The following BRWD1 variants were observed in gnomAD, a reference collection of about 807,000 sequenced individuals.
BRWD1 encodes bromodomain and WD repeat domain containing 1, also known as bromodomain and WD repeat-containing protein 1.
A neutral mutation model predicts 251.2 loss-of-function variants in BRWD1; 82 were observed. That is an observed-to-expected ratio of 0.33 (90% CI 0.27 to 0.39). The LOEUF (loss-of-function observed/expected upper bound fraction) is 0.39, where lower values mean the gene tolerates loss of function less well. Ranked by LOEUF, BRWD1 falls within the 10% of genes least tolerant of loss-of-function variation. The pLI, the probability that BRWD1 is intolerant of heterozygous loss-of-function variation, is 1.00. For missense variants in BRWD1, 2,233 were observed against 2,711.6 expected (o/e 0.82, Z 3.92); for synonymous variants, 918 against 902.8 (o/e 1.02, Z -0.30).
rs2035449568 is a variant in BRWD1, at chr21:39,281,297, G to A, written c.832-1049C>T. ...GAGGCAAGATGTAATAAAAAGCCAA[G>A]AGGGAACCCAGTTAATCTAAGAAGC... On this transcript the variant is annotated intron_variant, in intron 8 of 40. Coordinates refer to ENST00000342449, the MANE Select transcript of BRWD1 (RefSeq NM_033656.4). Among the ~76,000 whole-genome samples the A allele has an allele frequency of 2.0e-5, 3 of 152,154 alleles. No homozygotes were observed. In the South Asian group the frequency reaches 6.2e-4, roughly 31 times the overall value.
In BRWD1 at chr21:39,312,944, CG is replaced by C. The variant is rs754220705; in HGVS notation, c.139-45del. On this transcript the variant is annotated intron_variant, in intron 3 of 40. Transcript: ENST00000342449. The stretch of plus-strand genomic sequence containing the variant: ...CACACGAGTGACCACCCCTCCGGCG[CG>C]GGGGGGGCGGGGGGCGGGGGGCCGG... 9.2e-5 allele frequency: 57 copies of C among 622,748 alleles called. 5 individuals are homozygous for C. The Admixed American group carries it at 2.8e-3, about 30-fold the overall frequency. The allele number at this position is 622,748 out of a possible 1,614,324, so 38.6% of individuals were successfully genotyped here.
intron 10 of BRWD1, 69 bp from the exon 11 acceptor site, chr21:39,277,420 A>G: frequency 3.1e-6 from 3 of 966,294 alleles, no homozygotes; most frequent in Non-Finnish European, 4.3e-6. Context: ...AAATTTCCAT[A>G]TTAAAATATA....
At chr21:39,251,218 AAAT>A (rs1292234949) in intron 19 of BRWD1, among the ~76,000 whole-genome samples, 1 of 152,194 alleles carries the variant, frequency 6.6e-6, no homozygotes, top group African/African-American at 2.4e-5. Context: ...TCTAAAGAAA[AAAT>A]AAGCAGAGTC....
At chr21:39,213,247 T>C (rs926386779) in intron 33 of BRWD1, among the ~76,000 whole-genome samples, 2 of 152,200 alleles carry the variant, frequency 1.3e-5, no homozygotes, top group Admixed American at 6.5e-5. Context: ...AGCTAAAATA[T>C]AGAAAGAGAA....
upstream of BRWD1, chr21:39,314,933 TA>T (rs2036668663): frequency 1.3e-5 from 2 of 153,072 alleles, no homozygotes; most frequent in Admixed American, 6.5e-5. Context: ...TGTGAGGATT[TA>T]ATGAATTTGT....
At chr21:39,238,339 T>C in intron 22 of BRWD1, 140 bp downstream of exon 22, 2 of 570,344 alleles carry the variant, frequency 3.5e-6, no homozygotes, top group Admixed American at 6.7e-5. Flanking sequence ...AGCTGTTGGA[T>C]CTAGTTTTTG....
In BRWD1 at chr21:39,313,430, C is replaced by T. The variant is rs568631309; in HGVS notation, c.49+13G>A. The T allele has an allele frequency of 3.4e-5, 48 of 1,428,272 alleles. No individual in the cohort carries two copies. In the African/African-American group the frequency reaches 6.4e-4, roughly 19 times the overall value. 88.5% of individuals were successfully genotyped at this position (1,428,272 alleles called of 1,614,324 possible). On this transcript the variant is annotated intron_variant, in intron 1 of 40. Coordinates refer to ENST00000342449, the MANE Select transcript of BRWD1 (RefSeq NM_033656.4). Reference sequence around the variant, plus strand: ...GAGCGCCAGGGCGGGGGTGGCACGGCCTCGCGTCTTACCCGACTCGATGAG... The same window carrying T: ...GAGCGCCAGGGCGGGGGTGGCACGGTCTCGCGTCTTACCCGACTCGATGAG...
At chr21:39,306,707 A>G (rs987349523) in intron 4 of BRWD1, among the ~76,000 whole-genome samples, 7 of 152,208 alleles carry the variant, frequency 4.6e-5, no homozygotes, top group Non-Finnish European at 8.8e-5. Context: ...AACAGACTTA[A>G]AAGTTATTTA....
Position 39,238,535 on chromosome 21 carries a change from T to C in BRWD1, c.2520A>G (p.Ser840=). ...TGTCACTTCTCCATTCATCCTCTTCTGAAGAACCAGAACCTTCACTCTGAT... is the reference window on the plus strand; with the variant it reads ...TGTCACTTCTCCATTCATCCTCTTCCGAAGAACCAGAACCTTCACTCTGAT... The part of the protein sequence containing the change: ...SCDQSEGSGS[S]EEDEWRSDRK... Residue 840 remains serine, a synonymous_variant, in exon 22 of 41, where the codon TCA becomes TCG. Coordinates refer to ENST00000342449, the MANE Select transcript of BRWD1 (RefSeq NM_033656.4). The C allele has an allele frequency of 1.2e-6, 2 of 1,613,654 alleles. No individual in the cohort carries two copies. Among genetic ancestry groups the C allele is most frequent in the Non-Finnish European group, 1.7e-6 (2 of 1,179,740 alleles).
intron 4 of BRWD1, among the ~76,000 whole-genome samples, chr21:39,306,359 G>A (rs538059181): frequency 1.4e-4 from 21 of 152,190 alleles, no homozygotes; most frequent in African/African-American, 3.4e-4. Context: ...GTGAGCCACC[G>A]CACCTGGCCT....
At chr21:39,243,895 CAA>C (rs2034089055) in intron 21 of BRWD1, among the ~76,000 whole-genome samples, 1 of 152,124 alleles carries the variant, frequency 6.6e-6, no homozygotes, top group African/African-American at 2.4e-5. Context: ...GTGGTAAACA[CAA>C]AGGAATTTTT....
upstream of BRWD1, chr21:39,313,702 G>T: frequency 2.7e-6 from 1 of 365,832 alleles, no homozygotes; most frequent in Non-Finnish European, 4.9e-6. Flanking sequence ...TCCGCGGGGG[G>T]CGGGGGTTTG....
upstream of BRWD1, chr21:39,313,763 T>G (rs2036614462): frequency 5.1e-6 from 2 of 388,572 alleles, no homozygotes; most frequent in South Asian, 3.4e-5. Context: ...CGAACCTCGC[T>G]CAGCTCTCTG....
rs1291453369 is a variant in BRWD1, at chr21:39,216,463, G to C, written c.3660-1101C>G. Among the ~76,000 whole-genome samples, 5 of 152,168 alleles carry C rather than the reference G, an allele frequency of 3.3e-5. No homozygotes were observed. The East Asian group carries it at 9.6e-4, about 29-fold the overall frequency. On this transcript the variant is annotated intron_variant, in intron 31 of 40. Transcript: ENST00000342449. ...GACTCGGACCTCCCTTCTCCAGCCAGGCCTGACCATCCCTGCAACTCTCAG... is the reference window on the plus strand; with the variant it reads ...GACTCGGACCTCCCTTCTCCAGCCACGCCTGACCATCCCTGCAACTCTCAG...
At chr21:39,246,946 C>A (rs918496501) in intron 21 of BRWD1, among the ~76,000 whole-genome samples, 5 of 151,940 alleles carry the variant, frequency 3.3e-5, no homozygotes, top group African/African-American at 1.2e-4. Flanking sequence ...GCTGGGCCAC[C>A]ACTCACCTGT....
intron 4 of BRWD1, among the ~76,000 whole-genome samples, chr21:39,307,556 T>C (rs185543665): frequency 5.1e-4 from 78 of 152,344 alleles, no homozygotes; most frequent in African/African-American, 1.8e-3. Flanking sequence ...TTAACCTTCC[T>C]GGGTTATGAC....
chr21:39,212,778 T>C, intron 33 of BRWD1, 71 bp from the exon 34 acceptor site: 2 of 1,109,762 alleles, frequency 1.8e-6, no homozygotes, highest in Admixed American at 2.3e-5. Flanking sequence ...TCTTAATAAA[T>C]AACATATCAA....
chr21:39,315,372 G>C (rs1225686308), upstream of BRWD1, among the ~76,000 whole-genome samples: 1 of 151,908 alleles, frequency 6.6e-6, no homozygotes, highest in South Asian at 2.1e-4. Context: ...GGTGGCTCAC[G>C]CCTGTAGTCC....
intron 4 of BRWD1, among the ~76,000 whole-genome samples, chr21:39,305,603 A>G (rs8131307): frequency 0.93 from 140,927 of 152,078 alleles, 65,648 homozygotes; most frequent in African/African-American, 0.97. Flanking sequence ...AGTGGCTCAC[A>G]CCTGTAATTC....
Sources: gnomAD v4.1 joint callset for allele counts (sites outside exome capture counted in the v4.1 genomes callset) on GRCh38, gnomAD v4.1.1 for gene constraint, MANE v1.5 for transcripts, NCBI Gene and HGNC (gene_info 2026-07-23, HGNC 2026-07-21) for gene names.